ZNF71: variants seen among roughly 807,000 people sequenced by gnomAD.
The protein encoded by ZNF71 is zinc finger protein 71.
In ZNF71, 3 loss-of-function variants were observed where a neutral mutation model predicts 6.7. The observed-to-expected ratio is 0.45, with a 90% CI of 0.20 to 1.16. The LOEUF is 1.16. Ranked by LOEUF, ZNF71 falls within the 50% of genes most tolerant of loss-of-function variation. The pLI, the probability that ZNF71 is intolerant of heterozygous loss-of-function variation, is 0.25. For missense variants in ZNF71, 688 were observed against 728.6 expected (o/e 0.94, Z 0.64); for synonymous variants, 343 against 311.1 (o/e 1.10, Z -1.08).
intron 3 of ZNF71, among the ~76,000 whole-genome samples, chr19:56,619,314 C>T (rs996103411): frequency 6.6e-6 from 1 of 152,116 alleles, no homozygotes; most frequent in Non-Finnish European, 1.5e-5. Context: ...TAAACACCAA[C>T]TCCCACCCAC....
chr19:56,601,723 C>A, intron 2 of ZNF71, 132 bp downstream of exon 2: 1 of 557,706 alleles, frequency 1.8e-6, no homozygotes, highest in Non-Finnish European at 2.3e-6. Flanking sequence ...ATGAAGAGGG[C>A]TGTGCTTATA....
Position 56,601,532 on chromosome 19 carries a change from T to C in ZNF71, c.-27T>C. On this transcript the variant is annotated 5_prime_UTR_variant, in exon 2 of 4. Coordinates refer to ENST00000599599, the MANE Select transcript of ZNF71 (RefSeq NM_001370215.1). ...CACTGTTGGTCACCGCAGGCCTGTC[T>C]TCCTATTCACCGTGGGCAGCAGAGG... 3 of 985,880 alleles carry C rather than the reference T, an allele frequency of 3.0e-6. No homozygotes were observed. The highest frequency in any genetic ancestry group is 3.6e-6 in the Non-Finnish European group (3 of 830,044). The allele number at this position is 985,880 out of a possible 1,614,324, so 61.1% of individuals were successfully genotyped here.
In ZNF71 at chr19:56,623,317, G is replaced by A. The variant is rs2044881068; in HGVS notation, c.*560G>A. ...GCAGGAGTTTGCCGGTTGTTTGTGA[G>A]GGGAAAAATTTTTTTTTCAGAGTTA... is the stretch of plus-strand genomic sequence containing the variant. On this transcript the variant is annotated 3_prime_UTR_variant, in exon 4 of 4. Coordinates refer to ENST00000599599, the MANE Select transcript of ZNF71 (RefSeq NM_001370215.1). The A allele has an allele frequency of 5.9e-6, 1 of 168,342 alleles. No individual in the cohort carries two copies. Among genetic ancestry groups the A allele is most frequent in the South Asian group, 2.1e-4 (1 of 4,872 alleles). 10.4% of individuals were successfully genotyped at this position (168,342 alleles called of 1,614,324 possible).
Position 56,603,783 on chromosome 19 carries a change from G to GT in ZNF71, c.33+2206dup, listed in dbSNP as rs74669105. Among the ~76,000 whole-genome samples the GT allele has an allele frequency of 2.0e-3, 279 of 142,036 alleles. No individual in the cohort carries two copies. Among genetic ancestry groups the GT allele is most frequent in the Middle Eastern group, 3.6e-3 (1 of 274 alleles). 93.2% of individuals were successfully genotyped at this position (142,036 alleles called of 152,430 possible). A position where few individuals can be genotyped will look rare whatever the true frequency, so the allele number is the denominator to read the frequency against. On this transcript the variant is annotated intron_variant, in intron 2 of 3. Coordinates refer to ENST00000599599, the MANE Select transcript of ZNF71 (RefSeq NM_001370215.1). The surrounding 1 kb of genome is among the most constrained non-coding windows in gnomAD (Gnocchi z 4.6). Reference sequence around the variant, plus strand: ...AACAGGGTTGGGAGTTTTGGTTTAAGTTTTTTTTTTTTTTAATTACTACTA... The same window carrying GT: ...AACAGGGTTGGGAGTTTTGGTTTAAGTTTTTTTTTTTTTTTAATTACTACTA...
intron 1 of ZNF71, among the ~76,000 whole-genome samples, chr19:56,599,330 ATT>A (rs36012106): frequency 6.6e-6 from 1 of 151,082 alleles, no homozygotes; most frequent in African/African-American, 2.4e-5. Flanking sequence ...TGGCTCACTG[ATT>A]TTTTTTTTGT....
At chr19:56,605,110 A>G (rs1600586580) in intron 2 of ZNF71, among the ~76,000 whole-genome samples, 3 of 152,204 alleles carry the variant, frequency 2.0e-5, no homozygotes, top group African/African-American at 7.2e-5. Flanking sequence ...TCATGTGAGT[A>G]ACAATTAAAA....
In ZNF71 at chr19:56,621,455, G is replaced by C; in HGVS notation, c.348G>C (p.Trp116Cys). The C allele has an allele frequency of 1.2e-6, 2 of 1,613,944 alleles. No homozygotes were observed. Among genetic ancestry groups the C allele is most frequent in the Non-Finnish European group, 1.7e-6 (2 of 1,179,942 alleles). Residue 116 changes from tryptophan to cysteine, a missense_variant, in exon 4 of 4, where the codon TGG becomes TGC. Transcript: ENST00000599599. ...CGCGGGGAGATGCAGGTGCAGAGTG[G>C]GAGCCATTGGGAATTCCCCAGGGGA... is the stretch of plus-strand genomic sequence containing the variant. ...ERPRGDAGAE[W>C]EPLGIPQGNK...
Position 56,603,974 on chromosome 19 carries a change from C to T in ZNF71, c.33+2383C>T, listed in dbSNP as rs2044690972. On this transcript the variant is annotated intron_variant, in intron 2 of 3. Coordinates refer to ENST00000599599, the MANE Select transcript of ZNF71 (RefSeq NM_001370215.1). The surrounding 1 kb of genome is among the most constrained non-coding windows in gnomAD (Gnocchi z 4.6). Reference sequence around the variant, plus strand: ...AGAGAACTCAGAGGCCCTTTGTTAGCACTTCTGTCCCAACACGATGGGCTC... The same window carrying T: ...AGAGAACTCAGAGGCCCTTTGTTAGTACTTCTGTCCCAACACGATGGGCTC... 3.9e-5 allele frequency among the ~76,000 whole-genome samples: 6 copies of T among 152,086 alleles called. No individual in the cohort carries two copies. Among genetic ancestry groups the T allele is most frequent in the Admixed American group, 3.9e-4 (6 of 15,280 alleles).
At chr19:56,620,755 G>A (rs1439559484) in intron 3 of ZNF71, among the ~76,000 whole-genome samples, 1 of 152,078 alleles carries the variant, frequency 6.6e-6, no homozygotes, top group East Asian at 1.9e-4. Flanking sequence ...TGTTGCCCAG[G>A]CTGGTCTCAA....
chr19:56,598,369 T>G lies in ZNF71; in HGVS notation c.-53+2941T>G, dbSNP rs1002427830. ...GGGAGAGGCCATCAGGGGCACATCA[T>G]AAGGGCTATGTGGGCAGCAGTGAAG... On this transcript the variant is annotated intron_variant, in intron 1 of 3. Coordinates refer to ENST00000599599, the MANE Select transcript of ZNF71 (RefSeq NM_001370215.1). The surrounding 1 kb of genome is among the most constrained non-coding windows in gnomAD (Gnocchi z 4.2). Among the ~76,000 whole-genome samples, 1 of 151,992 alleles carries G rather than the reference T, an allele frequency of 6.6e-6. No individual in the cohort carries two copies. Among genetic ancestry groups the G allele is most frequent in the African/African-American group, 2.4e-5 (1 of 41,396 alleles).
At chr19:56,616,960 G>C (rs1450172929) in intron 3 of ZNF71, among the ~76,000 whole-genome samples, 1 of 152,120 alleles carries the variant, frequency 6.6e-6, no homozygotes, top group African/African-American at 2.4e-5. Context: ...TAGGCTCAAG[G>C]GAATCTTATC....
intron 2 of ZNF71, 52 bp downstream of exon 2, chr19:56,601,643 G>A (rs2044671526): frequency 1.0e-6 from 1 of 980,042 alleles, no homozygotes. Context: ...ATCCTGCCTT[G>A]GGTGAGCCTC....
At chr19:56,595,719 G>C (rs978316978) in intron 1 of ZNF71, among the ~76,000 whole-genome samples, 2 of 152,068 alleles carry the variant, frequency 1.3e-5, no homozygotes, top group African/African-American at 4.8e-5. Flanking sequence ...TCCTGAGGAT[G>C]AGGCTGTGTC....
At chr19:56,601,880 C>T (rs185933099) in intron 2 of ZNF71, among the ~76,000 whole-genome samples, 84 of 152,158 alleles carry the variant, frequency 5.5e-4, no homozygotes, top group Non-Finnish European at 1.1e-3. Flanking sequence ...TGAAAACTTG[C>T]GCAGGACCAT....
In ZNF71 at chr19:56,623,827, G is replaced by A. The variant is rs7260368; in HGVS notation, c.*1070G>A. The A allele has an allele frequency of 0.43, 72,520 of 166,922 alleles. 16,812 individuals carry two copies. Among genetic ancestry groups the A allele is most frequent in the Non-Finnish European group, 0.53 (36,062 of 68,060 alleles). The allele number at this position is 166,922 out of a possible 1,614,324, so 10.3% of individuals were successfully genotyped here. On this transcript the variant is annotated 3_prime_UTR_variant, in exon 4 of 4. Coordinates refer to ENST00000599599, the MANE Select transcript of ZNF71 (RefSeq NM_001370215.1). ...TGTGTGTCTTCACGTGGTTGTAAAC[G>A]GCAGACTTCCTCAGGCCCCTTATAA...
intron 1 of ZNF71, among the ~76,000 whole-genome samples, chr19:56,601,113 C>T (rs1488582362): frequency 6.6e-6 from 1 of 152,046 alleles, no homozygotes; most frequent in Non-Finnish European, 1.5e-5. Flanking sequence ...GTGTGTTAAC[C>T]ATATCTATAG....
chr19:56,605,685 GC>G (rs2044705499), intron 2 of ZNF71, among the ~76,000 whole-genome samples: 1 of 152,214 alleles, frequency 6.6e-6, no homozygotes, highest in African/African-American at 2.4e-5. Flanking sequence ...TGTGAGACGT[GC>G]AGGCCTTCAT....
At chr19:56,609,697 T>C (rs2044736047) in intron 2 of ZNF71, among the ~76,000 whole-genome samples, 1 of 141,428 alleles carries the variant, frequency 7.1e-6, no homozygotes, top group Non-Finnish European at 1.5e-5. Flanking sequence ...ATTTTGCCTG[T>C]TCTGGACATT....
intron 2 of ZNF71, among the ~76,000 whole-genome samples, chr19:56,607,693 AAAACAAAC>A (rs36163786): frequency 6.6e-6 from 1 of 151,920 alleles, no homozygotes; most frequent in Non-Finnish European, 1.5e-5. Context: ...TGTCTTTCAA[AAAACAAAC>A]AAACAAACAA....
Sources: allele counts gnomAD v4.1 joint callset (sites outside exome capture counted in the v4.1 genomes callset), GRCh38; gene constraint gnomAD v4.1.1; non-coding constraint Gnocchi (gnomAD v3.1); transcripts MANE v1.5; gene names NCBI Gene and HGNC (gene_info 2026-07-23, HGNC 2026-07-21).